Variants in GNAQ observed in about 807,000 individuals in gnomAD.
GNAQ encodes the protein guanine nucleotide-binding protein G(q) subunit alpha.
GNAQ carries 8 observed loss-of-function variants against 43.9 expected under a neutral mutation model. The observed-to-expected ratio is 0.18, with a 90% CI of 0.11 to 0.33. The LOEUF (loss-of-function observed/expected upper bound fraction) is 0.33. Ranked by LOEUF, GNAQ falls within the 10% of genes least tolerant of loss-of-function variation. The probability of loss-of-function intolerance (pLI) is 1.00; values close to 1 mark genes in which losing one functional copy is unlikely to be tolerated. For missense variants in GNAQ, 158 were observed against 450.8 expected, an observed-to-expected ratio of 0.35 and a Z score of 5.88; for synonymous variants, 155 against 170.7, an observed-to-expected ratio of 0.91 and a Z score of 0.71.
intron 2 of GNAQ, among the ~76,000 whole-genome samples, chr9:77,873,944 A>G (rs773414725): frequency 6.6e-6 from 1 of 152,056 alleles, no homozygotes; most frequent in Non-Finnish European, 1.5e-5. Flanking sequence ...TGTCTCTACT[A>G]GAAATACAAA....
chr9:77,960,535 T>C (rs1240712114), intron 1 of GNAQ, among the ~76,000 whole-genome samples: 1 of 152,200 alleles, frequency 6.6e-6, no homozygotes, highest in African/African-American at 2.4e-5. Flanking sequence ...GGTTGGTGGC[T>C]GTGTGCTCTG....
Position 77,731,891 on chromosome 9 carries a change from T to TC in GNAQ, c.736-3225dup, listed in dbSNP as rs1048528576. Among the ~76,000 whole-genome samples, 9 of 152,290 alleles carry TC rather than the reference T, an allele frequency of 5.9e-5. No individual in the cohort carries two copies. In the East Asian group the frequency reaches 1.7e-3, roughly 29 times the overall value. ...TTGATTCTGTGCAGACTTCTTTTTT[T>TC]CCCCCCAATTAAGATTCTTTATGCT... On this transcript the variant is annotated intron_variant, in intron 5 of 6. Coordinates refer to ENST00000286548, the MANE Select transcript of GNAQ (RefSeq NM_002072.5).
At chr9:77,874,569 C>A (rs577851137) in intron 2 of GNAQ, among the ~76,000 whole-genome samples, 1 of 152,202 alleles carries the variant, frequency 6.6e-6, no homozygotes, top group South Asian at 2.1e-4. Flanking sequence ...CCCTTGAATT[C>A]TGGAAGCTGC....
At chr9:77,848,913 T>G (rs577138704) in intron 2 of GNAQ, among the ~76,000 whole-genome samples, 136 of 152,272 alleles carry the variant, frequency 8.9e-4, no homozygotes, top group Non-Finnish European at 1.8e-3. Flanking sequence ...AATGCAATAC[T>G]AAGTTAGAGA....
intron 5 of GNAQ, among the ~76,000 whole-genome samples, chr9:77,777,295 T>C (rs77893081): frequency 0.014 from 2,070 of 152,218 alleles, 59 homozygotes; most frequent in African/African-American, 0.048. Flanking sequence ...ATATATTCAT[T>C]AGAAACTGTA....
intron 1 of GNAQ, among the ~76,000 whole-genome samples, chr9:78,019,425 C>A (rs965328950): frequency 6.6e-6 from 1 of 152,208 alleles, no homozygotes; most frequent in Non-Finnish European, 1.5e-5. Flanking sequence ...CAGAGCCAAA[C>A]TTGACTCCAA....
chr9:77,719,477 A>C lies in GNAQ; in HGVS notation c.*1846T>G, dbSNP rs2118184323. The C allele has an allele frequency of 4.3e-6, 1 of 232,774 alleles. No homozygotes were observed. The highest frequency in any genetic ancestry group is 1.8e-4 in the South Asian group (1 of 5,516). 14.4% of individuals were successfully genotyped at this position (232,774 alleles called of 1,614,324 possible). A position where few individuals can be genotyped will look rare whatever the true frequency, so the allele number is the denominator to read the frequency against. ...GTGTTGTTTGAGGCTGGGAGAATCAAGGATGAGAACATCTCATTACTGTTG... is the reference window on the plus strand; with the variant it reads ...GTGTTGTTTGAGGCTGGGAGAATCACGGATGAGAACATCTCATTACTGTTG... On this transcript the variant is annotated 3_prime_UTR_variant, in exon 7 of 7. Transcript: ENST00000286548.
chr9:77,752,676 T>C (rs1825829420), intron 5 of GNAQ, among the ~76,000 whole-genome samples: 1 of 152,232 alleles, frequency 6.6e-6, no homozygotes. Flanking sequence ...CTGTGTCTGT[T>C]ATTACACCTC....
chr9:77,785,182 C>T (rs1587915452), intron 5 of GNAQ, among the ~76,000 whole-genome samples: 1 of 152,246 alleles, frequency 6.6e-6, no homozygotes, highest in South Asian at 2.1e-4. Flanking sequence ...CTCACCCACA[C>T]TTGTAGGACA....
Position 77,797,627 on chromosome 9 carries a change from G to A in GNAQ, c.498C>T (p.Arg166=), listed in dbSNP as rs1564113542. Residue 166 remains arginine (R), a synonymous_variant, in exon 4 of 7, where the codon CGC becomes CGT. Coordinates refer to ENST00000286548, the MANE Select transcript of GNAQ (RefSeq NM_002072.5). ...STKYYLNDLD[R]VADPAYLPTQ... is the part of the protein sequence containing the mutation. ...TAGGCAGGTAGGCAGGGTCAGCTAC[G>A]CGGTCCAAGTCATTAAGATAGCTAG... 1.2e-6 allele frequency: 2 copies of A among 1,613,638 alleles called. No individual in the cohort carries two copies. Among genetic ancestry groups the A allele is most frequent in the South Asian group, 1.1e-5 (1 of 91,032 alleles).
At chr9:77,752,489 A>G (rs1424025582) in intron 5 of GNAQ, among the ~76,000 whole-genome samples, 3 of 152,194 alleles carry the variant, frequency 2.0e-5, no homozygotes, top group Admixed American at 1.3e-4. Context: ...GGGAATATGG[A>G]GTTCATTCAC....
At chr9:77,880,926 T>C (rs184754754) in intron 2 of GNAQ, among the ~76,000 whole-genome samples, 2 of 152,242 alleles carry the variant, frequency 1.3e-5, no homozygotes, top group African/African-American at 2.4e-5. Context: ...TGGGACTGAA[T>C]ATATTCTGGG....
At chr9:77,953,504 A>C (rs757110266) in intron 1 of GNAQ, among the ~76,000 whole-genome samples, 14 of 152,304 alleles carry the variant, frequency 9.2e-5, no homozygotes, top group Non-Finnish European at 1.8e-4. Flanking sequence ...TCCCAGAACA[A>C]AATCTAATGA....
At chr9:77,921,292 A>G (rs1334543728) in intron 2 of GNAQ, among the ~76,000 whole-genome samples, 1 of 152,244 alleles carries the variant, frequency 6.6e-6, no homozygotes, top group African/African-American at 2.4e-5. Context: ...TTGGGCTGGT[A>G]GCCTCAGCAC....
chr9:77,763,895 C>T (rs918058253), intron 5 of GNAQ, among the ~76,000 whole-genome samples: 1 of 152,178 alleles, frequency 6.6e-6, no homozygotes, highest in African/African-American at 2.4e-5. Flanking sequence ...CACAAAAGAG[C>T]TTTTCTTGTT....
At chr9:77,752,733 T>C (rs1825830823) in intron 5 of GNAQ, among the ~76,000 whole-genome samples, 1 of 152,250 alleles carries the variant, frequency 6.6e-6, no homozygotes, top group Non-Finnish European at 1.5e-5. Flanking sequence ...ACAGATGTTA[T>C]TCTGCATGTA....
intron 1 of GNAQ, among the ~76,000 whole-genome samples, chr9:78,014,813 A>G (rs1029918646): frequency 6.6e-6 from 1 of 152,222 alleles, no homozygotes. Context: ...ACCTCATAAA[A>G]GAGTACAGTC....
chr9:77,735,307 A>G (rs1825560797), intron 5 of GNAQ, among the ~76,000 whole-genome samples: 1 of 152,258 alleles, frequency 6.6e-6, no homozygotes, highest in South Asian at 2.1e-4. Context: ...ACTTTTAAAA[A>G]GCAAGACCAG....
intron 2 of GNAQ, among the ~76,000 whole-genome samples, chr9:77,872,628 T>C (rs1056489010): frequency 6.6e-6 from 1 of 152,180 alleles, no homozygotes. Flanking sequence ...TTCTTGACCA[T>C]GAATGTGTGT....
Sources: gnomAD v4.1 joint callset for allele counts (sites outside exome capture counted in the v4.1 genomes callset) on GRCh38, gnomAD v4.1.1 for gene constraint, MANE v1.5 for transcripts, NCBI Gene and HGNC (gene_info 2026-07-23, HGNC 2026-07-21) for gene names.